PRDX6: variants seen among roughly 807,000 people sequenced by gnomAD.
PRDX6 encodes peroxiredoxin 6, also known as peroxiredoxin-6.
PRDX6 carries 13 observed loss-of-function variants against 20.0 expected under a neutral mutation model. That is an observed-to-expected ratio of 0.65 (90% confidence interval 0.42 to 1.03). The LOEUF is 1.03. PRDX6 is among the 50% of genes least tolerant of loss of function. The pLI is 0.00. For missense variants in PRDX6, 203 were observed against 276.9 expected (o/e 0.73, Z 1.89); for synonymous variants, 85 against 100.8 (o/e 0.84, Z 0.94).
At position 173,481,717 on chromosome 1, in the gene PRDX6, C is replaced by A. The variant is rs1413181292; in HGVS notation, c.252+235C>A. The A allele has an allele frequency of 4.0e-5, 19 of 469,890 alleles. No homozygotes were observed. The East Asian group carries it at 7.1e-4, about 18-fold the overall frequency. 29.1% of individuals were successfully genotyped at this position (469,890 alleles called of 1,614,324 possible). A position where few individuals can be genotyped will look rare whatever the true frequency, so the allele number is the denominator to read the frequency against. On this transcript the variant is annotated intron_variant, in intron 2 of 4. Coordinates refer to ENST00000340385, the MANE Select transcript of PRDX6 (RefSeq NM_004905.3). ...TTCAACCCAGCTGATCACTGTACCT[C>A]CTGAAACTTTTTCCTTTCTTGACTT...
chr1:173,481,504 C>T (rs774323358), intron 2 of PRDX6, 22 bp downstream of exon 2: 37 of 1,608,796 alleles, frequency 2.3e-5, no homozygotes, highest in Non-Finnish European at 3.1e-5. Flanking sequence ...TTGGCATGTG[C>T]TTTGAGCCTG....
chr1:173,487,626 C>T (rs1658921572), intron 4 of PRDX6, 109 bp from the exon 5 acceptor site: 1 of 1,251,108 alleles, frequency 8.0e-7, no homozygotes, highest in Non-Finnish European at 1.1e-6. Context: ...GTAAAGAACA[C>T]TTGATTAGTC....
intron 1 of PRDX6, among the ~76,000 whole-genome samples, chr1:173,478,146 CTT>C (rs1658736940): frequency 6.6e-6 from 1 of 152,226 alleles, no homozygotes; most frequent in African/African-American, 2.4e-5. Context: ...GGCCGAAAGA[CTT>C]TTTGTCCAGA....
intron 1 of PRDX6, among the ~76,000 whole-genome samples, chr1:173,479,741 G>A (rs1214096587): frequency 6.6e-6 from 1 of 152,178 alleles, no homozygotes; most frequent in Non-Finnish European, 1.5e-5. Context: ...AAGACTTGGA[G>A]GGGAAGGAAG....
intron 1 of PRDX6, chr1:173,481,068 C>T: frequency 2.4e-6 from 1 of 422,316 alleles, no homozygotes; most frequent in Non-Finnish European, 4.3e-6. Context: ...GGAGGCAACA[C>T]CTTAACATTA....
chr1:173,481,439 C>A lies in PRDX6; in HGVS notation c.209C>A (p.Ala70Asp). The A allele has an allele frequency of 1.2e-6, 2 of 1,614,054 alleles. No homozygotes were observed. Among genetic ancestry groups the A allele is most frequent in the Non-Finnish European group, 1.7e-6 (2 of 1,179,960 alleles). ...EFAKRNVKLI[A>D]LSIDSVEDHL... is the part of the protein sequence containing the mutation. The stretch of plus-strand genomic sequence containing the variant: ...GCCAAGAGGAATGTTAAGTTGATTG[C>A]CCTTTCAATAGACAGTGTTGAGGAC... Residue 70 changes from alanine to aspartate, a missense_variant, in exon 2 of 5, where the codon GCC becomes GAC. Coordinates refer to ENST00000340385, the MANE Select transcript of PRDX6 (RefSeq NM_004905.3).
At position 173,485,408 on chromosome 1, in the gene PRDX6, T is replaced by C; in HGVS notation, c.300T>C (p.Phe100=). 6.2e-7 allele frequency: 1 copy of C among 1,609,912 alleles called. No individual in the cohort carries two copies. The highest frequency in any genetic ancestry group is 1.1e-5 in the South Asian group (1 of 90,160). Residue 100 remains phenylalanine, a synonymous_variant, in exon 3 of 5, where the codon TTT becomes TTC. Transcript: ENST00000340385. ...AAGAGCCCACAGAAAAGTTACCTTT[T>C]CCCATCATCGATGATAGGAATCGGG... The part of the protein sequence containing the change: ...NCEEPTEKLP[F]PIIDDRNREL...
chr1:173,480,110 C>G (rs1011462804), intron 1 of PRDX6, among the ~76,000 whole-genome samples: 1 of 152,094 alleles, frequency 6.6e-6, no homozygotes, highest in Admixed American at 6.6e-5. Flanking sequence ...TCCTTTTGCC[C>G]TTCATAGTAA....
At chr1:173,480,093 A>G (rs891631028) in intron 1 of PRDX6, among the ~76,000 whole-genome samples, 11 of 152,196 alleles carry the variant, frequency 7.2e-5, no homozygotes, top group African/African-American at 1.7e-4. Flanking sequence ...GATATACTCT[A>G]TGTTCTTCCT....
chr1:173,483,577 G>T (rs1453263552), intron 2 of PRDX6, among the ~76,000 whole-genome samples: 1 of 152,020 alleles, frequency 6.6e-6, no homozygotes, highest in African/African-American at 2.4e-5. Flanking sequence ...AGAATTTGTT[G>T]TTATCCACTT....
Position 173,487,831 on chromosome 1 carries a change from A to T in PRDX6, c.643A>T (p.Lys215Ter). Residue 215 changes from lysine to a stop codon, truncating the protein, a stop_gained, in exon 5 of 5, where the codon AAG becomes TAG. Coordinates refer to ENST00000340385, the MANE Select transcript of PRDX6 (RefSeq NM_004905.3). LOFTEE classifies it high-confidence loss of function. ...CTTCACCAAAGAGCTCCCATCTGGC[A>T]AGAAATACCTCCGCTACACACCCCA... is the stretch of plus-strand genomic sequence containing the variant. ...GVFTKELPSG[K>*]KYLRYTPQP The T allele has an allele frequency of 6.2e-7, 1 of 1,613,496 alleles. No individual in the cohort carries two copies. The highest frequency in any genetic ancestry group is 8.5e-7 in the Non-Finnish European group (1 of 1,180,010).
rs1658934981 is a variant in PRDX6, at chr1:173,488,298, A to C, written c.*435A>C. 1 of 155,040 alleles carries C rather than the reference A, an allele frequency of 6.4e-6. No homozygotes were observed. Among genetic ancestry groups the C allele is most frequent in the Non-Finnish European group, 1.4e-5 (1 of 69,998 alleles). 9.6% of individuals were successfully genotyped at this position (155,040 alleles called of 1,614,324 possible). On this transcript the variant is annotated 3_prime_UTR_variant, in exon 5 of 5. Transcript: ENST00000340385. ...ACTTGAAGTTCAACTTCCTCTGTAA[A>C]TATCCAAGTATAAAGCCCAGGAACT...
chr1:173,483,636 A>G (rs1360891371), intron 2 of PRDX6, among the ~76,000 whole-genome samples: 1 of 152,194 alleles, frequency 6.6e-6, no homozygotes, highest in Non-Finnish European at 1.5e-5. Context: ...AGAAATCCAC[A>G]ATGGTTTTGT....
intron 1 of PRDX6, among the ~76,000 whole-genome samples, chr1:173,478,705 C>A (rs963148554): frequency 6.6e-6 from 1 of 152,142 alleles, no homozygotes; most frequent in African/African-American, 2.4e-5. Flanking sequence ...TCCAGGGAGA[C>A]AGGCTTATGA....
At chr1:173,483,270 T>C (rs1243124449) in intron 2 of PRDX6, among the ~76,000 whole-genome samples, 2 of 152,220 alleles carry the variant, frequency 1.3e-5, no homozygotes, top group African/African-American at 2.4e-5. Flanking sequence ...AGGAAAAAAG[T>C]CTGAACTATC....
intron 2 of PRDX6, among the ~76,000 whole-genome samples, chr1:173,483,645 G>C (rs1380400454): frequency 6.6e-6 from 1 of 152,196 alleles, no homozygotes; most frequent in Non-Finnish European, 1.5e-5. Context: ...CAATGGTTTT[G>C]TATCTGCTAT....
rs1272387144 is a variant in PRDX6, at chr1:173,487,844, G to C, written c.656G>C (p.Arg219Pro). ...CTCCCATCTGGCAAGAAATACCTCC[G>C]CTACACACCCCAGCCTTAAGTCTCT... is the stretch of plus-strand genomic sequence containing the variant. ...KELPSGKKYL[R>P]YTPQP Residue 219 changes from arginine to proline, a missense_variant, in exon 5 of 5, where the codon CGC becomes CCC. Arg to Pro is a moderately radical substitution (Grantham distance 103). Transcript: ENST00000340385. The C allele has an allele frequency of 1.2e-6, 2 of 1,612,862 alleles. No individual in the cohort carries two copies. The highest frequency in any genetic ancestry group is 1.3e-5 in the African/African-American group (1 of 74,894).
Position 173,477,411 on chromosome 1 carries a change from T to C in PRDX6, c.14T>C (p.Leu5Pro), listed in dbSNP as rs1480975183. The C allele has an allele frequency of 9.3e-6, 15 of 1,608,308 alleles. No homozygotes were observed. The highest frequency in any genetic ancestry group is 1.3e-5 in the Non-Finnish European group (15 of 1,177,706). ...ATCACCGTCGCCATGCCCGGAGGTC[T>C]GCTTCTCGGGGACGTGGCTCCCAAC... The part of the protein sequence containing the change: MPGG[L>P]LLGDVAPNFE... Residue 5 changes from leucine (L) to proline (P), a missense_variant, in exon 1 of 5, where the codon CTG becomes CCG. Leu to Pro is a moderately conservative substitution (Grantham distance 98, BLOSUM62 -3). Transcript: ENST00000340385.
intron 2 of PRDX6, among the ~76,000 whole-genome samples, chr1:173,484,045 G>A (rs1256838573): frequency 1.3e-5 from 2 of 149,110 alleles, no homozygotes; most frequent in Non-Finnish European, 3.0e-5. Context: ...GGAGGTTGCA[G>A]TGAGCCAAGG....
Sources: gnomAD v4.1 joint callset for allele counts (sites outside exome capture counted in the v4.1 genomes callset) on GRCh38, gnomAD v4.1.1 for gene constraint, MANE v1.5 for transcripts, NCBI Gene and HGNC (gene_info 2026-07-23, HGNC 2026-07-21) for gene names.